The following CLIP1 variants were observed in gnomAD, a reference collection of about 807,000 sequenced individuals.
CLIP1 encodes CAP-Gly domain containing linker protein 1.
A neutral mutation model predicts 161.6 loss-of-function variants in CLIP1; 66 were observed. The observed-to-expected ratio is 0.41, with a 90% CI of 0.33 to 0.50. The LOEUF (loss-of-function observed/expected upper bound fraction) is 0.50. Ranked by LOEUF, CLIP1 falls within the 20% of genes least tolerant of loss-of-function variation. The pLI, the probability that CLIP1 is intolerant of heterozygous loss-of-function variation, is 0.27. For missense variants in CLIP1, 1,376 were observed against 1,702.0 expected, an observed-to-expected ratio of 0.81 and a Z score of 3.37; for synonymous variants, 598 against 626.2, an observed-to-expected ratio of 0.96 and a Z score of 0.67.
intron 3 of CLIP1, among the ~76,000 whole-genome samples, chr12:122,366,639 G>A (rs1015113245): frequency 1.9e-4 from 29 of 152,248 alleles, no homozygotes; most frequent in South Asian, 6.2e-4. Context: ...CCAGGAGTTC[G>A]AGACCAGCTT....
intron 1 of CLIP1, among the ~76,000 whole-genome samples, chr12:122,414,280 TG>T (rs1593275166): frequency 6.6e-6 from 1 of 151,950 alleles, no homozygotes; most frequent in African/African-American, 2.4e-5. Flanking sequence ...CCCAAGTAGG[TG>T]GGACTACAGG....
At chr12:122,412,118 G>T in intron 1 of CLIP1, among the ~76,000 whole-genome samples, 1 of 141,168 alleles carries the variant, frequency 7.1e-6, no homozygotes. Flanking sequence ...ACCCAAGCTG[G>T]AGTGCAATGG....
At chr12:122,379,964 G>GAAAAAAAAAAAAAAAAAAAAAAAA (rs1954935956) in intron 2 of CLIP1, among the ~76,000 whole-genome samples, 1 of 67,058 alleles carries the variant, frequency 1.5e-5, no homozygotes, top group Non-Finnish European at 3.5e-5. Flanking sequence ...AAAAAAAAAT[G>GAAAAAAAAAAAAAAAAAAAAAAAA]CAAGGCACAG....
At chr12:122,289,337 T>G (rs897426946) in intron 20 of CLIP1, among the ~76,000 whole-genome samples, 22 of 152,064 alleles carry the variant, frequency 1.4e-4, no homozygotes, top group African/African-American at 5.3e-4. Flanking sequence ...GAGAATCGCT[T>G]GAACCCAGGA....
intron 20 of CLIP1, among the ~76,000 whole-genome samples, chr12:122,305,935 G>A (rs1210807613): frequency 6.6e-6 from 1 of 151,626 alleles, no homozygotes; most frequent in African/African-American, 2.4e-5. Flanking sequence ...AGGCCTGGTG[G>A]CACGCGCCTG....
chr12:122,293,231 A>G (rs114123903), intron 20 of CLIP1, among the ~76,000 whole-genome samples: 125 of 152,252 alleles, frequency 8.2e-4, no homozygotes, highest in African/African-American at 2.7e-3. Flanking sequence ...AGGAAATGAT[A>G]CTCAGCATCA....
At chr12:122,364,161 C>T (rs1954012660) in intron 3 of CLIP1, 54 bp from the exon 4 acceptor site, 2 of 1,607,230 alleles carry the variant, frequency 1.2e-6, no homozygotes, top group African/African-American at 1.3e-5. Flanking sequence ...ATAGCTTAAT[C>T]GTTTGTGGTC....
chr12:122,332,320 T>A lies in CLIP1; in HGVS notation c.2867+667A>T, dbSNP rs1455126366. Among the ~76,000 whole-genome samples, 7 of 152,112 alleles carry A rather than the reference T, an allele frequency of 4.6e-5. No homozygotes were observed. In the East Asian group the frequency reaches 1.2e-3, roughly 25 times the overall value. ...CAAAAAAAAAAAAAAAGCGTATATG[T>A]ATATATACATCTATATACACATCTA... On this transcript the variant is annotated intron_variant, in intron 15 of 25. Transcript: ENST00000620786.
At position 122,398,284 on chromosome 12, in the gene CLIP1, C is replaced by T. The variant is rs573970167; in HGVS notation, c.-106-17726G>A. ...TACAAAAAAAAAAAAAAAAAATTAGCTGGTCGTGGTGGCAGGCGCCTGTAA... is the reference window on the plus strand; with the variant it reads ...TACAAAAAAAAAAAAAAAAAATTAGTTGGTCGTGGTGGCAGGCGCCTGTAA... On this transcript the variant is annotated intron_variant, in intron 1 of 25. Transcript: ENST00000620786. Among the ~76,000 whole-genome samples the T allele has an allele frequency of 2.1e-3, 316 of 149,262 alleles. 2 individuals carry two copies. The highest frequency in any genetic ancestry group is 7.6e-3 in the African/African-American group (310 of 40,602).
At position 122,377,464 on chromosome 12, in the gene CLIP1, T is replaced by G. The variant is rs764511753; in HGVS notation, c.582A>C (p.Glu194Asp). ...PISNLTKTAS[E>D]SISNLSEAGS... ...CAGCCTCTGAAAGGTTGGAGATAGA[T>G]TCACTGGCAGTTTTTGTAAGGTTGC... Residue 194 changes from glutamate (E) to aspartate (D), a missense_variant, in exon 3 of 26, where the codon GAA (glutamate) becomes GAC (aspartate). Transcript: ENST00000620786. The G allele has an allele frequency of 1.2e-6, 2 of 1,614,022 alleles. No homozygotes were observed. Among genetic ancestry groups the G allele is most frequent in the Non-Finnish European group, 1.7e-6 (2 of 1,180,046 alleles).
In CLIP1 at chr12:122,328,340, T is replaced by C. The variant is rs777289536; in HGVS notation, c.2954A>G (p.Lys985Arg). 1.9e-6 allele frequency: 3 copies of C among 1,614,212 alleles called. No individual in the cohort carries two copies. Among genetic ancestry groups the C allele is most frequent in the South Asian group, 2.2e-5 (2 of 91,080 alleles). ...TGCTTCTTGCTGGCTCTGTTCAGCT[T>C]TGACAGTCATGTCCTCAATACTTTT... ...LQKSIEDMTV[K>R]AEQSQQEAAK... The change falls in exon 16 of 26, where the codon AAA becomes AGA. Residue 985 changes from lysine (K) to arginine (R), a missense_variant. Lys to Arg is a conservative substitution (Grantham distance 26). Coordinates refer to ENST00000620786, the MANE Select transcript of CLIP1 (RefSeq NM_001247997.2).
chr12:122,356,736 T>A (rs1175640487), intron 5 of CLIP1, among the ~76,000 whole-genome samples: 2 of 29,372 alleles, frequency 6.8e-5, no homozygotes, highest in Non-Finnish European at 2.2e-4. Context: ...GCAGCCTCCC[T>A]GCCTGATTCT....
intron 1 of CLIP1, among the ~76,000 whole-genome samples, chr12:122,406,628 C>T (rs1413809889): frequency 6.6e-6 from 1 of 152,058 alleles, no homozygotes; most frequent in Non-Finnish European, 1.5e-5. Flanking sequence ...AGACATACCC[C>T]TTTGAAAAAT....
At chr12:122,383,775 C>T (rs1955116888) in intron 1 of CLIP1, among the ~76,000 whole-genome samples, 1 of 151,978 alleles carries the variant, frequency 6.6e-6, no homozygotes, top group East Asian at 1.9e-4. Flanking sequence ...GAGGCAACAT[C>T]TCTGTATAAT....
At chr12:122,420,108 G>A (rs1956891196) in intron 1 of CLIP1, among the ~76,000 whole-genome samples, 1 of 151,498 alleles carries the variant, frequency 6.6e-6, no homozygotes, top group South Asian at 2.1e-4. Flanking sequence ...TTGGGAGGCT[G>A]AGGCAGGCGG....
intron 1 of CLIP1, among the ~76,000 whole-genome samples, chr12:122,381,027 CAACTCAA>C (rs1285425249): frequency 1.3e-5 from 2 of 152,012 alleles, no homozygotes; most frequent in Non-Finnish European, 2.9e-5. Context: ...AGCAAGACCC[CAACTCAA>C]AACAAACAAA....
chr12:122,327,814 G>A (rs1319933121), intron 17 of CLIP1, 133 bp downstream of exon 17: 17 of 695,668 alleles, frequency 2.4e-5, no homozygotes, highest in East Asian at 7.7e-5. Context: ...ACCCTGCCAC[G>A]CACTCAGAAG....
chr12:122,272,764 G>T lies in CLIP1; in HGVS notation c.*111C>A, dbSNP rs1176438984. Reference sequence around the variant, plus strand: ...AAAATATTTTCCTAGATTTGTTGACGGGGTTAAAAAATAACATGAGTTCTC... The same window carrying T: ...AAAATATTTTCCTAGATTTGTTGACTGGGTTAAAAAATAACATGAGTTCTC... On this transcript the variant is annotated 3_prime_UTR_variant, in exon 26 of 26. Transcript: ENST00000620786. 1 of 884,400 alleles carries T rather than the reference G, an allele frequency of 1.1e-6. No individual in the cohort carries two copies. The highest frequency in any genetic ancestry group is 1.8e-6 in the Non-Finnish European group (1 of 551,438). 54.8% of individuals were successfully genotyped at this position (884,400 alleles called of 1,614,324 possible).
intron 18 of CLIP1, among the ~76,000 whole-genome samples, chr12:122,318,837 G>C (rs763048124): frequency 9.2e-5 from 14 of 152,284 alleles, no homozygotes; most frequent in Middle Eastern, 3.4e-3. Context: ...AATCAGTACT[G>C]AATTGGGCCA....
Sources: gnomAD v4.1 joint callset for allele counts (sites outside exome capture counted in the v4.1 genomes callset) on GRCh38, gnomAD v4.1.1 for gene constraint, MANE v1.5 for transcripts, NCBI Gene and HGNC (gene_info 2026-07-23, HGNC 2026-07-21) for gene names.